ADK: variants seen among roughly 807,000 people sequenced by gnomAD.
ADK encodes the protein N6,N6-dimethyladenosine kinase.
Under a neutral mutation model 44.7 loss-of-function variants are expected in ADK, and 24 were observed. The ratio of observed to expected loss-of-function variants is 0.54; its 90% CI spans 0.39 to 0.76. The LOEUF is 0.76. Ranked by LOEUF, ADK falls within the 30% of genes least tolerant of loss-of-function variation. The probability of loss-of-function intolerance (pLI) is 0.00; values close to 1 mark genes in which losing one functional copy is unlikely to be tolerated. For synonymous variants in ADK, 128 were observed against 142.6 expected (o/e 0.90, Z 0.73); for missense variants, 321 against 425.1 (o/e 0.76, Z 2.15).
chr10:74,618,009 C>T (rs1852841386), intron 9 of ADK, among the ~76,000 whole-genome samples: 1 of 152,176 alleles, frequency 6.6e-6, no homozygotes, highest in Admixed American at 6.5e-5. Flanking sequence ...TCTAATGATG[C>T]ATCTTGCCTT....
At chr10:74,500,314 G>T (rs944610223) in intron 6 of ADK, among the ~76,000 whole-genome samples, 1 of 152,160 alleles carries the variant, frequency 6.6e-6, no homozygotes, top group Non-Finnish European at 1.5e-5. Context: ...ACATTTTGTA[G>T]TAGGCCTCCT....
rs192711366 is a variant in ADK at position 74,275,217 on chromosome 10, C to G, written c.195-39450C>G. 3.3e-3 allele frequency among the ~76,000 whole-genome samples: 499 copies of G among 152,108 alleles called. 3 individuals are homozygous for G. Among genetic ancestry groups the G allele is most frequent in the Non-Finnish European group, 5.8e-3 (393 of 67,968 alleles). On this transcript the variant is annotated intron_variant, in intron 3 of 10. Transcript: ENST00000539909. The stretch of plus-strand genomic sequence containing the variant: ...CTTTCCTGATCATTTGATGAGATCC[C>G]TAGGAAGGGAGTTTAAGACAATTGC...
intron 6 of ADK, among the ~76,000 whole-genome samples, chr10:74,418,074 C>T (rs1180864425): frequency 1.3e-5 from 2 of 152,100 alleles, no homozygotes; most frequent in African/African-American, 2.4e-5. Context: ...TTTTAGCAAA[C>T]TATTCTGTGA....
At chr10:74,295,539 T>A (rs1839782101) in intron 3 of ADK, among the ~76,000 whole-genome samples, 1 of 152,174 alleles carries the variant, frequency 6.6e-6, no homozygotes, top group African/African-American at 2.4e-5. Context: ...CATATGTCTT[T>A]TTGGACTTGT....
At chr10:74,371,465 C>T in intron 4 of ADK, 1 of 642,542 alleles carries the variant, frequency 1.6e-6, no homozygotes, top group Non-Finnish European at 2.8e-6. Flanking sequence ...GCTTTTCACA[C>T]TACCCACATA....
rs920731672 is a variant in ADK, at chr10:74,361,195, C to T, written c.274-32946C>T. Among the ~76,000 whole-genome samples the T allele has an allele frequency of 9.8e-5, 15 of 152,300 alleles. No individual in the cohort carries two copies. The South Asian group carries it at 1.0e-3, about 11-fold the overall frequency. On this transcript the variant is annotated intron_variant, in intron 4 of 10. Coordinates refer to ENST00000539909, the MANE Select transcript of ADK (RefSeq NM_006721.4). Reference sequence around the variant, plus strand: ...TTGGGATTACAGGCGTGAGCCACTGCGCCCGGCCTATCCTGTGTCTTAATT... The same window carrying T: ...TTGGGATTACAGGCGTGAGCCACTGTGCCCGGCCTATCCTGTGTCTTAATT...
At chr10:74,370,269 A>G (rs537704320) in intron 4 of ADK, among the ~76,000 whole-genome samples, 2 of 152,336 alleles carry the variant, frequency 1.3e-5, no homozygotes, top group Middle Eastern at 3.4e-3. Context: ...TCAAATCCCT[A>G]TACTACTGTT....
intron 6 of ADK, among the ~76,000 whole-genome samples, chr10:74,471,556 T>C (rs563812671): frequency 4.6e-5 from 7 of 152,308 alleles, no homozygotes; most frequent in African/African-American, 1.2e-4. Flanking sequence ...TTGGGATTTG[T>C]ATAGGAATTG....
intron 9 of ADK, among the ~76,000 whole-genome samples, chr10:74,632,644 T>C (rs1221822265): frequency 2.0e-5 from 3 of 152,186 alleles, no homozygotes; most frequent in Admixed American, 1.3e-4. Flanking sequence ...AATAATTGGA[T>C]ATAAGGCCTA....
chr10:74,231,106 A>G (rs544798531), intron 3 of ADK, among the ~76,000 whole-genome samples: 3 of 152,360 alleles, frequency 2.0e-5, no homozygotes, highest in African/African-American at 7.2e-5. Context: ...AAATCACTTC[A>G]GACCTATAAC....
chr10:74,433,240 A>G (rs1346810849), intron 6 of ADK, among the ~76,000 whole-genome samples: 3 of 152,206 alleles, frequency 2.0e-5, no homozygotes, highest in Non-Finnish European at 1.5e-5. Context: ...ATTCATGATG[A>G]ATGTCTACTT....
intron 6 of ADK, among the ~76,000 whole-genome samples, chr10:74,458,022 A>G (rs1284460038): frequency 1.3e-5 from 2 of 152,158 alleles, no homozygotes; most frequent in Non-Finnish European, 2.9e-5. Context: ...ACAATTAAAA[A>G]ATAATAATAA....
chr10:74,214,976 T>C (rs1040873910), intron 2 of ADK, among the ~76,000 whole-genome samples: 3 of 152,164 alleles, frequency 2.0e-5, no homozygotes, highest in Admixed American at 6.6e-5. Context: ...CAGGATGATA[T>C]TGCAGGTTTT....
chr10:74,628,048 A>G (rs892564951), intron 9 of ADK, among the ~76,000 whole-genome samples: 1 of 152,172 alleles, frequency 6.6e-6, no homozygotes, highest in Non-Finnish European at 1.5e-5. Flanking sequence ...GGTTTCTTTG[A>G]CAGGTGATAT....
At chr10:74,449,834 C>G (rs897280670) in intron 6 of ADK, among the ~76,000 whole-genome samples, 3 of 152,060 alleles carry the variant, frequency 2.0e-5, no homozygotes, top group Non-Finnish European at 4.4e-5. Context: ...TGTTATTTAT[C>G]CTTGTATTGC....
chr10:74,387,226 C>T (rs895027351), intron 4 of ADK, among the ~76,000 whole-genome samples: 2 of 152,130 alleles, frequency 1.3e-5, no homozygotes, highest in Non-Finnish European at 2.9e-5. Context: ...TGAGCCACTG[C>T]GCCTGGCCTG....
intron 3 of ADK, among the ~76,000 whole-genome samples, chr10:74,230,743 G>A (rs1300666929): frequency 2.0e-5 from 3 of 150,858 alleles, no homozygotes; most frequent in South Asian, 2.1e-4. Context: ...GTACAGTGGC[G>A]CGATCTTGGC....
rs78284658 is a variant in ADK, at chr10:74,560,323, C to T, written c.727-28959C>T. On this transcript the variant is annotated intron_variant, in intron 7 of 10. Transcript: ENST00000539909. ...GTCCTTTATCCCTTCTAGCCTTTAC[C>T]TTATTTAGTAATATCAGATGATGTG... Among the ~76,000 whole-genome samples the T allele has an allele frequency of 9.1e-3, 1,387 of 152,212 alleles. 19 individuals are homozygous for T. The highest frequency in any genetic ancestry group is 0.031 in the African/African-American group (1,287 of 41,510).
At chr10:74,412,483 AG>A (rs1273691831) in intron 6 of ADK, among the ~76,000 whole-genome samples, 1 of 152,172 alleles carries the variant, frequency 6.6e-6, no homozygotes, top group Non-Finnish European at 1.5e-5. Context: ...AATTATTTTC[AG>A]GAGGTTTTCA....
Sources: allele counts gnomAD v4.1 joint callset (sites outside exome capture counted in the v4.1 genomes callset), GRCh38; gene constraint gnomAD v4.1.1; transcripts MANE v1.5; gene names NCBI Gene and HGNC (gene_info 2026-07-23, HGNC 2026-07-21).